The following FSTL5 variants were observed in gnomAD, a reference collection of about 807,000 sequenced individuals.
FSTL5 encodes the protein follistatin like 5.
A neutral mutation model predicts 89.1 loss-of-function variants in FSTL5; 62 were observed. That is an observed-to-expected ratio of 0.70 (90% CI 0.57 to 0.86). The LOEUF is 0.86. Among genes scored for constraint, FSTL5 ranks in the 40% least tolerant of loss-of-function variants. FSTL5 has a pLI of 0.00. For missense variants in FSTL5, 1,057 were observed against 1,001.6 expected (o/e 1.06, Z -0.75); for synonymous variants, 383 against 346.2 (o/e 1.11, Z -1.18).
chr4:161,556,514 T>G (rs1732398719), intron 8 of FSTL5, among the ~76,000 whole-genome samples: 1 of 151,616 alleles, frequency 6.6e-6, no homozygotes. Context: ...CTCTGTGATT[T>G]TGGGATACTC....
intron 8 of FSTL5, among the ~76,000 whole-genome samples, chr4:161,546,292 T>TTATATA (rs142188672): frequency 0.071 from 10,342 of 145,502 alleles, 453 homozygotes; most frequent in Middle Eastern, 0.15. Context: ...TATATACATA[T>TTATATA]TATATATATA....
chr4:161,504,514 G>C (rs530741107), intron 11 of FSTL5, among the ~76,000 whole-genome samples: 2 of 151,562 alleles, frequency 1.3e-5, no homozygotes, highest in African/African-American at 4.8e-5. Flanking sequence ...GGTGAAGGCA[G>C]GCAAAAGCGC....
intron 12 of FSTL5, among the ~76,000 whole-genome samples, chr4:161,493,813 A>G (rs1320050028): frequency 6.6e-6 from 1 of 152,096 alleles, no homozygotes; most frequent in African/African-American, 2.4e-5. Flanking sequence ...CAACATTCTG[A>G]TGGTATTCAT....
chr4:161,901,265 T>G (rs1405417298), intron 4 of FSTL5, among the ~76,000 whole-genome samples: 1 of 151,920 alleles, frequency 6.6e-6, no homozygotes, highest in Non-Finnish European at 1.5e-5. Flanking sequence ...AGAAAAATAT[T>G]TTAAGTAGCG....
intron 1 of FSTL5, among the ~76,000 whole-genome samples, chr4:162,115,393 T>A (rs969585786): frequency 6.6e-6 from 1 of 152,178 alleles, no homozygotes; most frequent in Non-Finnish European, 1.5e-5. Flanking sequence ...GTTCTGGAAA[T>A]TTTTTGTAAA....
chr4:162,023,213 C>A (rs1737158626), intron 3 of FSTL5, among the ~76,000 whole-genome samples: 1 of 152,086 alleles, frequency 6.6e-6, no homozygotes, highest in Non-Finnish European at 1.5e-5. Context: ...CTAGGACCTG[C>A]AATCTAAGAC....
intron 6 of FSTL5, among the ~76,000 whole-genome samples, chr4:161,756,572 T>G: frequency 6.6e-6 from 1 of 152,170 alleles, no homozygotes; most frequent in East Asian, 1.9e-4. Context: ...TTTAGATTTC[T>G]GACTTGTAAA....
chr4:161,904,636 G>A (rs1733468951), intron 4 of FSTL5, among the ~76,000 whole-genome samples: 1 of 150,666 alleles, frequency 6.6e-6, no homozygotes, highest in Non-Finnish European at 1.5e-5. Context: ...AACAAAAACA[G>A]AAAAAAAATC....
chr4:161,600,205 T>A lies in FSTL5; in HGVS notation c.895-12630A>T, dbSNP rs926927188. On this transcript the variant is annotated intron_variant, in intron 7 of 15. Transcript: ENST00000306100. ...CACACACACACACACACACAAACAG[T>A]ATGCCTCCATTTATGTAGCATCCAA... is the stretch of plus-strand genomic sequence containing the variant. Among the ~76,000 whole-genome samples, 4 of 107,324 alleles carry A rather than the reference T, an allele frequency of 3.7e-5. No individual in the cohort carries two copies. The Admixed American group carries it at 3.8e-4, about 10-fold the overall frequency. 70.4% of individuals were successfully genotyped at this position (107,324 alleles called of 152,430 possible).
intron 10 of FSTL5, among the ~76,000 whole-genome samples, chr4:161,526,512 G>A (rs1731224361): frequency 6.6e-6 from 1 of 152,124 alleles, no homozygotes; most frequent in Non-Finnish European, 1.5e-5. Flanking sequence ...TTCACATGAA[G>A]TCCTTGCCCA....
At chr4:161,795,553 A>G (rs765883785) in intron 4 of FSTL5, among the ~76,000 whole-genome samples, 13 of 152,130 alleles carry the variant, frequency 8.5e-5, no homozygotes, top group Non-Finnish European at 1.5e-4. Context: ...TGATGTTTCA[A>G]TATACACAGA....
At chr4:161,447,968 T>C (rs1008305550) in intron 15 of FSTL5, among the ~76,000 whole-genome samples, 20 of 152,222 alleles carry the variant, frequency 1.3e-4, no homozygotes, top group African/African-American at 4.3e-4. Context: ...CATGAGATAA[T>C]AGGTTCTGAA....
chr4:161,730,695 T>G (rs1739578296), intron 6 of FSTL5, among the ~76,000 whole-genome samples: 1 of 152,178 alleles, frequency 6.6e-6, no homozygotes, highest in Non-Finnish European at 1.5e-5. Flanking sequence ...TGATACAGTG[T>G]CCATTACCCA....
At chr4:161,639,389 A>C (rs992501115) in intron 7 of FSTL5, among the ~76,000 whole-genome samples, 2 of 152,200 alleles carry the variant, frequency 1.3e-5, no homozygotes, top group Non-Finnish European at 1.5e-5. Flanking sequence ...TGGAACCGAA[A>C]AATTGCTTAA....
chr4:161,776,145 G>C, intron 4 of FSTL5, 71 bp from the exon 5 acceptor site: 1 of 814,218 alleles, frequency 1.2e-6, no homozygotes, highest in Non-Finnish European at 1.8e-6. Flanking sequence ...TTAAGGTTTA[G>C]AAGTTATTTT....
At chr4:161,628,188 T>G (rs945046595) in intron 7 of FSTL5, among the ~76,000 whole-genome samples, 1 of 152,198 alleles carries the variant, frequency 6.6e-6, no homozygotes, top group Non-Finnish European at 1.5e-5. Context: ...ACATTCACAC[T>G]GTGTCTGGCA....
At chr4:161,766,910 TGATA>T (rs34991915) in intron 5 of FSTL5, among the ~76,000 whole-genome samples, 55,153 of 106,220 alleles carry the variant, frequency 0.52, 11,539 homozygotes, top group Non-Finnish European at 0.55. Context: ...ATAGATCGAT[TGATA>T]GATAGATAGA....
chr4:161,820,999 AT>A (rs1403371525), intron 4 of FSTL5, among the ~76,000 whole-genome samples: 2 of 150,550 alleles, frequency 1.3e-5, no homozygotes, highest in East Asian at 3.9e-4. Flanking sequence ...ATATTTGTAC[AT>A]TTTTTAAGAT....
chr4:161,995,188 T>TA (rs1330706821), intron 3 of FSTL5, among the ~76,000 whole-genome samples: 9 of 152,180 alleles, frequency 5.9e-5, no homozygotes, highest in Non-Finnish European at 1.2e-4. Context: ...ATTTTGTAGT[T>TA]AAAAAATGAT....
Sources: gnomAD v4.1 joint callset for allele counts (sites outside exome capture counted in the v4.1 genomes callset) on GRCh38, gnomAD v4.1.1 for gene constraint, MANE v1.5 for transcripts, NCBI Gene and HGNC (gene_info 2026-07-23, HGNC 2026-07-21) for gene names.